NIPAL2: variants seen among roughly 807,000 people sequenced by gnomAD.
NIPAL2 encodes NIPA like domain containing 2, also known as NIPA-like protein 2.
In NIPAL2, 43 loss-of-function variants were observed where a neutral mutation model predicts 48.9. The observed-to-expected ratio is 0.88, with a 90% CI of 0.69 to 1.13. NIPAL2 has a LOEUF of 1.13. NIPAL2 is among the 50% of genes most tolerant of loss of function. The pLI is 0.00. For missense variants in NIPAL2, 446 were observed against 461.4 expected, an observed-to-expected ratio of 0.97 and a Z score of 0.31; for synonymous variants, 167 against 174.6, an observed-to-expected ratio of 0.96 and a Z score of 0.34.
At chr8:98,226,999 G>C (rs1033993195) in intron 4 of NIPAL2, among the ~76,000 whole-genome samples, 2 of 152,080 alleles carry the variant, frequency 1.3e-5, no homozygotes, top group African/African-American at 4.8e-5. Context: ...TTTTCTACTT[G>C]TCCCTCCCCT....
At position 98,192,963 on chromosome 8, in the gene NIPAL2, C is replaced by T. The variant is rs527990596; in HGVS notation, c.*15G>A. 8.5e-5 allele frequency: 130 copies of T among 1,533,642 alleles called. 1 individual carries two copies. The South Asian group carries it at 1.4e-3, about 17-fold the overall frequency. On this transcript the variant is annotated 3_prime_UTR_variant, in exon 11 of 11. Transcript: ENST00000430223. ...TGGTATCGAATAACAGGCCAACAGC[C>T]ATCCTTCTCAGCATTTAGACCTCTT... is the stretch of plus-strand genomic sequence containing the variant.
intron 10 of NIPAL2, chr8:98,193,304 T>C (rs1810384397): frequency 2.7e-6 from 4 of 1,498,652 alleles, no homozygotes; most frequent in Middle Eastern, 3.4e-4. Flanking sequence ...AGAGCCACTA[T>C]CCCCACCCCA....
intron 3 of NIPAL2, among the ~76,000 whole-genome samples, chr8:98,244,042 A>G (rs1422561922): frequency 6.6e-6 from 1 of 152,070 alleles, no homozygotes; most frequent in Admixed American, 6.6e-5. Context: ...TTAAAGACAA[A>G]TCTAACCCAA....
At chr8:98,278,240 G>GT (rs1815598716) in intron 1 of NIPAL2, among the ~76,000 whole-genome samples, 1 of 151,788 alleles carries the variant, frequency 6.6e-6, no homozygotes, top group South Asian at 2.1e-4. Context: ...TTGTTTGTTT[G>GT]TTTGTTTTGT....
chr8:98,249,985 G>T (rs1813506750), intron 3 of NIPAL2, among the ~76,000 whole-genome samples: 1 of 151,914 alleles, frequency 6.6e-6, no homozygotes, highest in Non-Finnish European at 1.5e-5. Context: ...AAAATGGAGC[G>T]CAATGTGTTG....
intron 1 of NIPAL2, among the ~76,000 whole-genome samples, chr8:98,268,556 G>T (rs1290512233): frequency 6.6e-6 from 1 of 151,538 alleles, no homozygotes; most frequent in Non-Finnish European, 1.5e-5. Flanking sequence ...GAGAGGTGGA[G>T]GTTGCAGTGA....
chr8:98,196,162 CA>C (rs1209046358), intron 8 of NIPAL2, among the ~76,000 whole-genome samples, 157 bp from the exon 9 acceptor site: 1 of 152,178 alleles, frequency 6.6e-6, no homozygotes, highest in Non-Finnish European at 1.5e-5. Flanking sequence ...AGAAAATTTG[CA>C]TGCCACACAT....
chr8:98,266,887 C>T (rs1459122606), intron 1 of NIPAL2, among the ~76,000 whole-genome samples: 1 of 151,888 alleles, frequency 6.6e-6, no homozygotes, highest in East Asian at 1.9e-4. Flanking sequence ...AAGTGATAGG[C>T]TAAGGTGATA....
Position 98,252,443 on chromosome 8 carries a change from C to T in NIPAL2, c.376+20G>A, listed in dbSNP as rs775110676. On this transcript the variant is annotated intron_variant, in intron 3 of 10. Coordinates refer to ENST00000430223, the MANE Select transcript of NIPAL2 (RefSeq NM_001321635.2). ...TTCTGCTCTTTAAGTTTCTATTTGT[C>T]AAAATACAGAATGGCTTACCTGTAA... The T allele has an allele frequency of 1.2e-5, 19 of 1,562,014 alleles. No individual in the cohort carries two copies. The highest frequency in any genetic ancestry group is 1.7e-4 in the Middle Eastern group (1 of 5,840).
chr8:98,263,985 T>C (rs1814538558), intron 1 of NIPAL2, among the ~76,000 whole-genome samples: 2 of 141,972 alleles, frequency 1.4e-5, no homozygotes, highest in South Asian at 4.8e-4. Flanking sequence ...TATACGCAAA[T>C]CAATAAATGT....
At chr8:98,289,114 C>A (rs1055288588) in intron 1 of NIPAL2, among the ~76,000 whole-genome samples, 6 of 152,032 alleles carry the variant, frequency 3.9e-5, no homozygotes, top group African/African-American at 1.5e-4. Context: ...TTTAAGAAAC[C>A]CTAAATACTA....
intron 1 of NIPAL2, among the ~76,000 whole-genome samples, chr8:98,260,437 G>A (rs908030803): frequency 1.5e-4 from 23 of 152,220 alleles, no homozygotes; most frequent in South Asian, 6.2e-4. Flanking sequence ...TGTGCGAGCC[G>A]AAGCAGGGCG....
chr8:98,244,834 T>C (rs1662712577), intron 3 of NIPAL2, among the ~76,000 whole-genome samples: 1 of 152,180 alleles, frequency 6.6e-6, no homozygotes, highest in African/African-American at 2.4e-5. Context: ...AAAAGCATTG[T>C]TTGAGCCAGT....
intron 3 of NIPAL2, among the ~76,000 whole-genome samples, chr8:98,237,582 C>T (rs919940685): frequency 3.9e-5 from 6 of 152,196 alleles, no homozygotes; most frequent in African/African-American, 1.4e-4. Flanking sequence ...AGGACAAAGG[C>T]CACACTACCA....
chr8:98,193,721 T>TGAAC (rs1346476872), intron 10 of NIPAL2, among the ~76,000 whole-genome samples: 1 of 150,732 alleles, frequency 6.6e-6, no homozygotes, highest in Non-Finnish European at 1.5e-5. Context: ...GAGAATCACT[T>TGAAC]GAACCCGGGA....
intron 1 of NIPAL2, among the ~76,000 whole-genome samples, chr8:98,280,444 C>A (rs546531952): frequency 6.6e-6 from 1 of 152,078 alleles, no homozygotes; most frequent in South Asian, 2.1e-4. Flanking sequence ...AGCAATAGTA[C>A]AGATTGAGTG....
chr8:98,193,004 G>A lies in NIPAL2; in HGVS notation c.1126C>T (p.Gln376Ter). The change falls in exon 11 of 11, where the codon CAA (glutamine) becomes TAA (stop). Residue 376 changes from glutamine to a stop codon, truncating the protein, a stop_gained. Transcript: ENST00000430223. LOFTEE classifies it high-confidence loss of function. ...TAGACCTCTTTCTTCTCTCCACTTT[G>A]GCTCTTTGTTGAGTCACTTCCATCA... ...LPDGSDSTKS[Q>*]SGEKKEV 1 of 1,612,802 alleles carries A rather than the reference G, an allele frequency of 6.2e-7. No homozygotes were observed. The highest frequency in any genetic ancestry group is 1.1e-5 in the South Asian group (1 of 91,052).
intron 5 of NIPAL2, among the ~76,000 whole-genome samples, chr8:98,219,170 T>C (rs945814746): frequency 8.5e-5 from 13 of 152,120 alleles, no homozygotes; most frequent in Non-Finnish European, 7.4e-5. Flanking sequence ...GTTTTTGATA[T>C]GTTACATTTA....
chr8:98,260,480 C>G (rs1814238061), intron 1 of NIPAL2, among the ~76,000 whole-genome samples: 1 of 152,158 alleles, frequency 6.6e-6, no homozygotes, highest in Non-Finnish European at 1.5e-5. Context: ...CGCAAGGGGT[C>G]AGGGAGTTCC....
Sources: allele counts gnomAD v4.1 joint callset (sites outside exome capture counted in the v4.1 genomes callset), GRCh38; gene constraint gnomAD v4.1.1; transcripts MANE v1.5; gene names NCBI Gene and HGNC (gene_info 2026-07-23, HGNC 2026-07-21).